The following PACRG variants were observed in gnomAD, a reference collection of about 807,000 sequenced individuals.
PACRG encodes parkin coregulated.
PACRG carries 29 observed loss-of-function variants against 29.7 expected under a neutral mutation model. The observed-to-expected ratio is 0.98, with a 90% CI of 0.73 to 1.33. The LOEUF (loss-of-function observed/expected upper bound fraction) is 1.33, where lower values mean the gene tolerates loss of function less well. Ranked by LOEUF, PACRG falls within the 40% of genes most tolerant of loss-of-function variation. PACRG has a pLI of 0.00. For missense variants in PACRG, 279 were observed against 316.2 expected (o/e 0.88, Z 0.89); for synonymous variants, 116 against 118.7 (o/e 0.98, Z 0.15).
intron 4 of PACRG, among the ~76,000 whole-genome samples, chr6:163,125,016 A>G (rs991634564): frequency 1.3e-5 from 2 of 152,202 alleles, no homozygotes; most frequent in Admixed American, 6.5e-5. Flanking sequence ...GATTTGCCCT[A>G]CTCCAAACAA....
At chr6:162,968,098 A>T (rs574768794) in intron 2 of PACRG, among the ~76,000 whole-genome samples, 1 of 152,140 alleles carries the variant, frequency 6.6e-6, no homozygotes, top group Non-Finnish European at 1.5e-5. Flanking sequence ...TGTATTCCAG[A>T]CTGCCATAAT....
chr6:163,089,952 T>A (rs1289076701), intron 4 of PACRG, among the ~76,000 whole-genome samples: 1 of 152,244 alleles, frequency 6.6e-6, no homozygotes, highest in East Asian at 1.9e-4. Flanking sequence ...AAGTTTTTGG[T>A]GACCTTTGGC....
chr6:163,190,414 T>C (rs1422771797), intron 4 of PACRG: 1 of 152,150 alleles, frequency 6.6e-6, no homozygotes, highest in Non-Finnish European at 1.5e-5. Context: ...CGGCGCACAA[T>C]CTAGTTAGTG....
chr6:163,058,175 G>T (rs1026780819), intron 2 of PACRG, among the ~76,000 whole-genome samples: 1 of 152,100 alleles, frequency 6.6e-6, no homozygotes, highest in Non-Finnish European at 1.5e-5. Context: ...AAAAGAAAAA[G>T]AATTTTCTTG....
At chr6:163,116,923 A>G (rs1456305742) in intron 4 of PACRG, among the ~76,000 whole-genome samples, 1 of 152,104 alleles carries the variant, frequency 6.6e-6, no homozygotes, top group Non-Finnish European at 1.5e-5. Flanking sequence ...GAGGTGCTGC[A>G]GGGATCCCCA....
At chr6:162,898,354 G>A (rs1478140086) in intron 2 of PACRG, among the ~76,000 whole-genome samples, 11 of 152,136 alleles carry the variant, frequency 7.2e-5, no homozygotes, top group Non-Finnish European at 1.0e-4. Context: ...GAGTCTCTGC[G>A]CGCACCAGCC....
intron 2 of PACRG, chr6:163,052,008 G>A (rs1485288983): frequency 9.9e-5 from 15 of 152,058 alleles, no homozygotes; most frequent in Non-Finnish European, 1.2e-4. Context: ...TATATTACAT[G>A]ATTTTAGTTG....
chr6:163,199,377 A>C (rs6917118), intron 4 of PACRG, among the ~76,000 whole-genome samples: 62,312 of 152,064 alleles, frequency 0.41, 14,349 homozygotes, highest in African/African-American at 0.62. Flanking sequence ...AGGCTCCTCC[A>C]GGGTTTGTGT....
At chr6:163,221,253 A>T (rs1562323678) in intron 4 of PACRG, among the ~76,000 whole-genome samples, 2 of 152,202 alleles carry the variant, frequency 1.3e-5, no homozygotes, top group Non-Finnish European at 2.9e-5. Flanking sequence ...TGTATTCCCA[A>T]ATAAAACAGA....
chr6:163,215,782 A>C (rs944256207), intron 4 of PACRG, among the ~76,000 whole-genome samples: 1 of 152,222 alleles, frequency 6.6e-6, no homozygotes, highest in Non-Finnish European at 1.5e-5. Context: ...AGGCTTGAGA[A>C]TGACAGGAGA....
rs1798925189 is a variant in PACRG at position 162,945,309 on chromosome 6, G to T, written c.292-116841G>T. Among the ~76,000 whole-genome samples, 6 of 151,880 alleles carry T rather than the reference G, an allele frequency of 4.0e-5. No homozygotes were observed. The South Asian group carries it at 1.2e-3, about 32-fold the overall frequency. On this transcript the variant is annotated intron_variant, in intron 2 of 4. Coordinates refer to ENST00000366888, the MANE Select transcript of PACRG (RefSeq NM_001080379.2). The stretch of plus-strand genomic sequence containing the variant: ...ACATATAGACTGCCAGTAAGTGATG[G>T]AAAAAAATATTCCATGCAAATGGAA...
chr6:163,269,160 G>A (rs954875965), intron 4 of PACRG, among the ~76,000 whole-genome samples: 9 of 152,182 alleles, frequency 5.9e-5, no homozygotes, highest in Non-Finnish European at 1.0e-4. Context: ...CAAAAGATTG[G>A]AACAAATGGA....
At chr6:163,298,338 C>G (rs1336977826) in intron 4 of PACRG, among the ~76,000 whole-genome samples, 1 of 151,628 alleles carries the variant, frequency 6.6e-6, no homozygotes, top group African/African-American at 2.4e-5. Flanking sequence ...CTAACTAAAG[C>G]AACCTTAGAG....
Position 163,269,943 on chromosome 6 carries a change from G to GA in PACRG, c.614-44881dup, listed in dbSNP as rs1223358624. On this transcript the variant is annotated intron_variant, in intron 4 of 4. Coordinates refer to ENST00000366888, the MANE Select transcript of PACRG (RefSeq NM_001080379.2). ...GAAAGAAAGAAAACAAAGAAAGAAA[G>GA]AAAGAAAGAAAGAAAGAAAGAAAGA... is the stretch of plus-strand genomic sequence containing the variant. 5.3e-3 allele frequency among the ~76,000 whole-genome samples: 144 copies of GA among 26,968 alleles called. 12 individuals are homozygous for GA. Among genetic ancestry groups the GA allele is most frequent in the African/African-American group, 0.022 (112 of 5,106 alleles). The allele number at this position is 26,968 out of a possible 152,430, so 17.7% of individuals were successfully genotyped here.
chr6:163,143,921 A>G (rs1371290042), intron 4 of PACRG, among the ~76,000 whole-genome samples: 1 of 152,144 alleles, frequency 6.6e-6, no homozygotes, highest in Non-Finnish European at 1.5e-5. Context: ...ATTTTTCATA[A>G]TTGCGTAATC....
At chr6:163,307,287 CT>C (rs1174965118) in intron 4 of PACRG, among the ~76,000 whole-genome samples, 1 of 152,136 alleles carries the variant, frequency 6.6e-6, no homozygotes. Context: ...TAACCTAGTG[CT>C]TTAGTGACCC....
intron 3 of PACRG, among the ~76,000 whole-genome samples, chr6:163,076,892 T>G (rs561976914): frequency 1.3e-5 from 2 of 152,164 alleles, no homozygotes; most frequent in Non-Finnish European, 2.9e-5. Context: ...TTATAGCTCC[T>G]CTCTCATGTC....
chr6:163,147,910 T>C (rs911640703), intron 4 of PACRG, among the ~76,000 whole-genome samples: 2 of 152,216 alleles, frequency 1.3e-5, no homozygotes, highest in South Asian at 4.1e-4. Context: ...AGAGACTCAT[T>C]CACTGCCTGT....
chr6:163,313,973 C>T (rs1785543124), intron 4 of PACRG: 1 of 152,240 alleles, frequency 6.6e-6, no homozygotes, highest in African/African-American at 2.4e-5. Flanking sequence ...TTGGTAACTC[C>T]TGCAGCTTGG....
Sources: gnomAD v4.1 joint callset for allele counts (sites outside exome capture counted in the v4.1 genomes callset) on GRCh38, gnomAD v4.1.1 for gene constraint, MANE v1.5 for transcripts, NCBI Gene and HGNC (gene_info 2026-07-23, HGNC 2026-07-21) for gene names.